LAMC1: variants seen among roughly 807,000 people sequenced by gnomAD.
LAMC1 encodes laminin subunit gamma 1, also known as laminin subunit gamma-1.
In LAMC1, 38 loss-of-function variants were observed where a neutral mutation model predicts 173.6. The observed-to-expected ratio is 0.22, with a 90% CI of 0.17 to 0.29. LAMC1 has a LOEUF of 0.29. Among genes scored for constraint, LAMC1 ranks in the 10% least tolerant of loss-of-function variants. The probability of loss-of-function intolerance (pLI) is 1.00; values close to 1 mark genes in which losing one functional copy is unlikely to be tolerated. For synonymous variants in LAMC1, 746 were observed against 749.1 expected, an observed-to-expected ratio of 1.00 and a Z score of 0.07; for missense variants, 1,824 against 2,051.8, an observed-to-expected ratio of 0.89 and a Z score of 2.14.
At chr1:183,136,310 C>T in intron 24 of LAMC1, 76 bp from the exon 25 acceptor site, 1 of 1,282,302 alleles carries the variant, frequency 7.8e-7, no homozygotes, top group Non-Finnish European at 1.1e-6. Context: ...AAACAAAATC[C>T]AGTTGGAACT....
chr1:183,049,967 T>C (rs1654372475), intron 1 of LAMC1, among the ~76,000 whole-genome samples: 1 of 152,196 alleles, frequency 6.6e-6, no homozygotes, highest in African/African-American at 2.4e-5. Flanking sequence ...TGTGTTTCCG[T>C]GCATTATTTT....
At chr1:183,024,274 C>T (rs1307725456) in intron 1 of LAMC1, 140 bp downstream of exon 1, 2 of 778,158 alleles carry the variant, frequency 2.6e-6, no homozygotes, top group Non-Finnish European at 4.0e-6. Context: ...CACACAGAAA[C>T]TCCTTTCTCC....
Position 183,023,813 on chromosome 1 carries a change from G to C in LAMC1, c.97G>C (p.Ala33Pro). The C allele has an allele frequency of 6.4e-7, 1 of 1,562,178 alleles. No homozygotes were observed. Among genetic ancestry groups the C allele is most frequent in the South Asian group, 1.2e-5 (1 of 82,342 alleles). Residue 33 changes from alanine (A) to proline (P), a missense_variant, in exon 1 of 28, where the codon GCC (alanine) becomes CCC (proline). Physicochemically the swap from Ala to Pro is conservative, Grantham distance 27 (BLOSUM62 -1). Coordinates refer to ENST00000258341, the MANE Select transcript of LAMC1 (RefSeq NM_002293.4). ...VLAAAAAAGC[A>P]QAAMDECTDE... ...GGCGGCGGCCGCCGCGGCGGGCTGT[G>C]CCCAGGCAGCCATGGACGAGTGCAC...
At chr1:183,071,254 A>C (rs749177791) in intron 1 of LAMC1, among the ~76,000 whole-genome samples, 6 of 152,044 alleles carry the variant, frequency 3.9e-5, no homozygotes, top group Non-Finnish European at 8.8e-5. Flanking sequence ...GCCTGTATGG[A>C]TGTTTTGTCT....
chr1:183,053,449 T>A (rs1290029050), intron 1 of LAMC1, among the ~76,000 whole-genome samples: 1 of 151,996 alleles, frequency 6.6e-6, no homozygotes. Flanking sequence ...ACTAATGGGT[T>A]GTTTGAAAAG....
intron 1 of LAMC1, among the ~76,000 whole-genome samples, chr1:183,065,297 A>G (rs1232543884): frequency 2.6e-5 from 4 of 152,182 alleles, no homozygotes; most frequent in Admixed American, 2.6e-4. Flanking sequence ...GACTGTATAT[A>G]TATAGAAAGA....
intron 10 of LAMC1, 33 bp from the exon 11 acceptor site, chr1:183,118,001 C>A: frequency 7.8e-7 from 1 of 1,273,996 alleles, no homozygotes; most frequent in Non-Finnish European, 1.1e-6. Flanking sequence ...ATTGTCCTTA[C>A]AGAGGTTAAT....
chr1:183,096,837 T>G lies in LAMC1; in HGVS notation c.419-6491T>G, dbSNP rs192601427. On this transcript the variant is annotated intron_variant, in intron 1 of 27. Transcript: ENST00000258341. ...AGGGGAAAGGAACAGGATAATAAGT[T>G]TTTAAAAACAAACAATTTTGAAGAT... Among the ~76,000 whole-genome samples the G allele has an allele frequency of 4.5e-3, 682 of 152,276 alleles. 8 individuals carry two copies. The highest frequency in any genetic ancestry group is 0.016 in the African/African-American group (647 of 41,556).
chr1:183,118,253 G>A (rs545149798), intron 11 of LAMC1, 107 bp downstream of exon 11: 2 of 610,206 alleles, frequency 3.3e-6, no homozygotes, highest in Non-Finnish European at 5.7e-6. Context: ...ACTGAGAAGT[G>A]TATAACAACT....
At chr1:183,081,548 A>G (rs1431077468) in intron 1 of LAMC1, among the ~76,000 whole-genome samples, 1 of 115,320 alleles carries the variant, frequency 8.7e-6, no homozygotes, top group Admixed American at 1.1e-4. Flanking sequence ...ACTCCGCCTC[A>G]AAAATAAATA....
Position 183,133,528 on chromosome 1 carries a change from C to G in LAMC1, c.3827C>G (p.Pro1276Arg), listed in dbSNP as rs201944497. 1.1e-4 allele frequency: 182 copies of G among 1,613,042 alleles called. No homozygotes were observed. The East Asian group carries it at 3.6e-3, about 32-fold the overall frequency. Residue 1276 changes from proline to arginine, a missense_variant, in exon 22 of 28, where the codon CCT (proline) becomes CGT (arginine). Transcript: ENST00000258341. Reference protein sequence around the residue: ...EIYASVAQLSPLDSETLENEA... With the variant: ...EIYASVAQLSRLDSETLENEA... ...TATGCCAGCGTGGCTCAGCTGAGCC[C>G]TTTGGACTCTGAGACACTGGAGGTA...
At chr1:183,059,985 T>C (rs749140553) in intron 1 of LAMC1, among the ~76,000 whole-genome samples, 6 of 152,124 alleles carry the variant, frequency 3.9e-5, no homozygotes, top group Non-Finnish European at 2.9e-5. Context: ...CAGCTGTTAT[T>C]GTTCTGGTAC....
chr1:183,075,639 T>C (rs1411809152), intron 1 of LAMC1, among the ~76,000 whole-genome samples: 1 of 152,170 alleles, frequency 6.6e-6, no homozygotes, highest in African/African-American at 2.4e-5. Flanking sequence ...AAACTAAATA[T>C]AGTGTTTTTA....
intron 2 of LAMC1, among the ~76,000 whole-genome samples, chr1:183,107,703 G>A (rs10911244): frequency 0.52 from 78,228 of 151,428 alleles, 20,786 homozygotes; most frequent in South Asian, 0.65. Flanking sequence ...GGTGGCGGGC[G>A]CCTGTAGTCC....
chr1:183,099,381 A>C (rs10752896), intron 1 of LAMC1, among the ~76,000 whole-genome samples: 77,848 of 151,980 alleles, frequency 0.51, 20,551 homozygotes, highest in South Asian at 0.65. Context: ...TTAGCTACTG[A>C]GCCCGGCCCA....
At chr1:183,130,829 A>T (rs999884080) in intron 19 of LAMC1, among the ~76,000 whole-genome samples, 15 of 152,194 alleles carry the variant, frequency 9.9e-5, no homozygotes, top group African/African-American at 3.4e-4. Context: ...CTGAAAATAG[A>T]ATCTGCAATC....
Position 183,103,342 on chromosome 1 carries a change from A to G in LAMC1, c.433A>G (p.Ile145Val). ...TTGTCCCACAGGAAAAGCTTTTGACATCACCTATGTGCGTCTCAAGTTCCA... is the reference window on the plus strand; with the variant it reads ...TTGTCCCACAGGAAAAGCTTTTGACGTCACCTATGTGCGTCTCAAGTTCCA... Reference protein sequence around the residue: ...LTLHLGKAFDITYVRLKFHTS... With the variant: ...LTLHLGKAFDVTYVRLKFHTS... Residue 145 changes from isoleucine to valine, a missense_variant, in exon 2 of 28, where the codon ATC becomes GTC. Transcript: ENST00000258341. 1 of 1,613,632 alleles carries G rather than the reference A, an allele frequency of 6.2e-7. No homozygotes were observed. The highest frequency in any genetic ancestry group is 8.5e-7 in the Non-Finnish European group (1 of 1,179,736).
intron 1 of LAMC1, among the ~76,000 whole-genome samples, chr1:183,054,835 G>T (rs993156895): frequency 6.6e-6 from 1 of 152,074 alleles, no homozygotes; most frequent in African/African-American, 2.4e-5. Context: ...AGCCTTAGGG[G>T]CTTTTCCCAC....
chr1:183,050,118 CAT>C (rs1192460775), intron 1 of LAMC1, among the ~76,000 whole-genome samples: 1 of 151,992 alleles, frequency 6.6e-6, no homozygotes, highest in Non-Finnish European at 1.5e-5. Context: ...GTGTACTCTC[CAT>C]GTGAGCTTTT....
Sources: allele counts gnomAD v4.1 joint callset (sites outside exome capture counted in the v4.1 genomes callset), GRCh38; gene constraint gnomAD v4.1.1; transcripts MANE v1.5; gene names NCBI Gene and HGNC (gene_info 2026-07-23, HGNC 2026-07-21).